The following BFSP2 variants were observed in gnomAD, a reference collection of about 807,000 sequenced individuals.
BFSP2 encodes phakinin.
Under a neutral mutation model 44.9 loss-of-function variants are expected in BFSP2, and 38 were observed. The ratio of observed to expected loss-of-function variants is 0.85; its 90% confidence interval spans 0.65 to 1.11. BFSP2 has a LOEUF of 1.11. Among genes scored for constraint, BFSP2 ranks in the 50% least tolerant of loss-of-function variants. BFSP2 has a pLI of 0.00. For synonymous variants in BFSP2, 197 were observed against 209.9 expected, an observed-to-expected ratio of 0.94 and a Z score of 0.53; for missense variants, 525 against 533.0, an observed-to-expected ratio of 0.99 and a Z score of 0.15.
intron 1 of BFSP2, among the ~76,000 whole-genome samples, chr3:133,431,855 A>G (rs1482013064): frequency 2.0e-5 from 3 of 152,032 alleles, no homozygotes; most frequent in African/African-American, 7.3e-5. Context: ...CTTTTTAGTT[A>G]TCCCCACCTG....
chr3:133,426,266 G>A (rs2073653519), intron 1 of BFSP2, among the ~76,000 whole-genome samples: 2 of 151,716 alleles, frequency 1.3e-5, no homozygotes, highest in Admixed American at 6.6e-5. Flanking sequence ...CCTCACCCTC[G>A]CAGGCTGCCC....
At chr3:133,424,215 T>TGTGTGTGTGTGTGTGTGTGTGTG (rs879693047) in intron 1 of BFSP2, among the ~76,000 whole-genome samples, 1 of 80,114 alleles carries the variant, frequency 1.2e-5, no homozygotes, top group African/African-American at 9.5e-5. Context: ...CCAGCTAATT[T>TGTGTGTGTGTGTGTGTGTGTGTG]TTTTTTTTTT....
chr3:133,466,790 G>A, intron 4 of BFSP2, 38 bp from the exon 5 acceptor site: 1 of 1,579,132 alleles, frequency 6.3e-7, no homozygotes. Flanking sequence ...TCAGATTTCT[G>A]ATCATCACCG....
intron 4 of BFSP2, among the ~76,000 whole-genome samples, chr3:133,457,953 A>G (rs7617242): frequency 0.033 from 5,011 of 152,328 alleles, 278 homozygotes; most frequent in African/African-American, 0.12. Context: ...AGTCACTAAC[A>G]TGGTATACCT....
chr3:133,424,579 G>T (rs1434186219), intron 1 of BFSP2, among the ~76,000 whole-genome samples: 2 of 152,174 alleles, frequency 1.3e-5, no homozygotes, highest in South Asian at 2.1e-4. Flanking sequence ...CATTCCACCT[G>T]CCATCATGGT....
intron 1 of BFSP2, among the ~76,000 whole-genome samples, chr3:133,432,949 T>G (rs2073740217): frequency 6.6e-6 from 1 of 152,330 alleles, no homozygotes; most frequent in Non-Finnish European, 1.5e-5. Context: ...TGCCGCTGCT[T>G]TAATACTTTT....
At chr3:133,440,332 T>C (rs1196254181) in intron 1 of BFSP2, among the ~76,000 whole-genome samples, 1 of 152,146 alleles carries the variant, frequency 6.6e-6, no homozygotes. Context: ...CAACCAACCA[T>C]ATCAGCAGGA....
chr3:133,472,326 C>G lies in BFSP2; in HGVS notation c.1024-19C>G. On this transcript the variant is annotated intron_variant, in intron 5 of 6. Transcript: ENST00000302334. ...CGGCCTGTTGTCCTCGGGTTTGGAC[C>G]GGGTTCGCTCTTTTGTAGAAACGAG... 7 of 1,602,034 alleles carry G rather than the reference C, an allele frequency of 4.4e-6. No individual in the cohort carries two copies. The highest frequency in any genetic ancestry group is 5.9e-6 in the Non-Finnish European group (7 of 1,177,762).
intron 3 of BFSP2, among the ~76,000 whole-genome samples, chr3:133,449,463 C>CA (rs1187451135): frequency 6.6e-6 from 1 of 152,016 alleles, no homozygotes; most frequent in East Asian, 1.9e-4. Context: ...TACATGTGCA[C>CA]AATGTGCAGG....
chr3:133,411,108 T>G (rs1197395), intron 1 of BFSP2, among the ~76,000 whole-genome samples: 45,206 of 150,736 alleles, frequency 0.3, 7,814 homozygotes, highest in East Asian at 0.41. Context: ...GATCCATCAA[T>G]TTTTAAAAGA....
At chr3:133,410,035 C>A in intron 1 of BFSP2, 1 of 188,624 alleles carries the variant, frequency 5.3e-6, no homozygotes, top group South Asian at 1.4e-4. Context: ...ACGAAGTTGC[C>A]TTCCCACCTA....
intron 1 of BFSP2, among the ~76,000 whole-genome samples, chr3:133,438,407 T>C (rs947906347): frequency 6.6e-6 from 1 of 152,170 alleles, no homozygotes; most frequent in Non-Finnish European, 1.5e-5. Flanking sequence ...TGGTGGCACA[T>C]GCCTTTAATC....
chr3:133,409,396 C>T (rs2073430137), intron 1 of BFSP2, among the ~76,000 whole-genome samples: 1 of 152,150 alleles, frequency 6.6e-6, no homozygotes, highest in African/African-American at 2.4e-5. Context: ...TCAGAATTAT[C>T]AATATAAAGT....
chr3:133,456,752 A>AAAAT (rs964510805), intron 4 of BFSP2, among the ~76,000 whole-genome samples: 19 of 152,282 alleles, frequency 1.2e-4, no homozygotes, highest in African/African-American at 4.6e-4. Flanking sequence ...CTCTGTCTCA[A>AAAAT]AAATAAATAA....
In BFSP2 at chr3:133,405,516, G is replaced by T. The variant is rs538195119; in HGVS notation, c.489+4944G>T. Among the ~76,000 whole-genome samples, 6 of 151,946 alleles carry T rather than the reference G, an allele frequency of 3.9e-5. No individual in the cohort carries two copies. The South Asian group carries it at 6.2e-4, about 16-fold the overall frequency. On this transcript the variant is annotated intron_variant, in intron 1 of 6. Transcript: ENST00000302334. ...CCCACAGAACTTGTGGTCCTAGAAGGCTCTCTTTTTAGAAAAAAAAAACAA... is the reference window on the plus strand; with the variant it reads ...CCCACAGAACTTGTGGTCCTAGAAGTCTCTCTTTTTAGAAAAAAAAAACAA...
At chr3:133,404,000 AT>A (rs1411307589) in intron 1 of BFSP2, among the ~76,000 whole-genome samples, 2 of 19,500 alleles carry the variant, frequency 1.0e-4, no homozygotes, top group African/African-American at 2.1e-4. Context: ...GGAGGGGGGA[AT>A]CTTCCTCATC....
chr3:133,418,068 C>T, intron 1 of BFSP2, among the ~76,000 whole-genome samples: 1 of 146,284 alleles, frequency 6.8e-6, no homozygotes, highest in Non-Finnish European at 1.5e-5. Flanking sequence ...CTACTCACCC[C>T]TCTAGTCCCC....
At chr3:133,432,460 C>G (rs1240676774) in intron 1 of BFSP2, among the ~76,000 whole-genome samples, 2 of 152,210 alleles carry the variant, frequency 1.3e-5, no homozygotes, top group Non-Finnish European at 1.5e-5. Context: ...GTCCCAGCAG[C>G]TTACCTGGGC....
At position 133,450,172 on chromosome 3, in the gene BFSP2, CTG is replaced by C. The variant is rs538844087; in HGVS notation, c.730-128_730-127del. 9.7e-6 allele frequency: 10 copies of C among 1,035,876 alleles called. No homozygotes were observed. The South Asian group carries it at 1.1e-4, about 11-fold the overall frequency. The allele number at this position is 1,035,876 out of a possible 1,614,324, so 64.2% of individuals were successfully genotyped here. On this transcript the variant is annotated intron_variant, in intron 3 of 6. Coordinates refer to ENST00000302334, the MANE Select transcript of BFSP2 (RefSeq NM_003571.4). ...AGAAGGTCAGGGACTTTCCCAGTCT[CTG>C]TGAAGCCTGTGTCTGGCAGTTGTGG...
Sources: gnomAD v4.1 joint callset for allele counts (sites outside exome capture counted in the v4.1 genomes callset) on GRCh38, gnomAD v4.1.1 for gene constraint, MANE v1.5 for transcripts, NCBI Gene and HGNC (gene_info 2026-07-23, HGNC 2026-07-21) for gene names.